Variants in PLEKHA1 observed in about 807,000 individuals in gnomAD.
PLEKHA1 encodes the protein pleckstrin homology domain-containing family A member 1.
A neutral mutation model predicts 52.0 loss-of-function variants in PLEKHA1; 34 were observed. That is an observed-to-expected ratio of 0.65 (90% CI 0.50 to 0.87). The LOEUF (loss-of-function observed/expected upper bound fraction) is 0.87. Ranked by LOEUF, PLEKHA1 falls within the 40% of genes least tolerant of loss-of-function variation. PLEKHA1 has a pLI of 0.00. For missense variants in PLEKHA1, 497 were observed against 504.2 expected, an observed-to-expected ratio of 0.99 and a Z score of 0.14; for synonymous variants, 163 against 170.7, an observed-to-expected ratio of 0.95 and a Z score of 0.35.
At chr10:122,423,160 A>G (rs1005217828) in intron 8 of PLEKHA1, 8 of 147,826 alleles carry the variant, frequency 5.4e-5, no homozygotes, top group African/African-American at 2.0e-4. Context: ...GTGGTGGCTC[A>G]CGCCTGTAAT....
At chr10:122,398,414 CCT>C (rs149470062) in intron 3 of PLEKHA1, among the ~76,000 whole-genome samples, 166 of 151,814 alleles carry the variant, frequency 1.1e-3, no homozygotes, top group African/African-American at 3.9e-3. Context: ...TGATTTTCCC[CCT>C]CTTTTCACTT....
At chr10:122,439,266 T>G in the PLEKHA1 span, 6 of 152,246 alleles carry the variant, frequency 3.9e-5, no homozygotes, top group Non-Finnish European at 8.8e-5. Context: ...TGCTAGATTT[T>G]GTTTGCTATT....
intron 2 of PLEKHA1, among the ~76,000 whole-genome samples, chr10:122,395,099 A>G (rs141610427): frequency 5.5e-4 from 84 of 152,330 alleles, no homozygotes; most frequent in African/African-American, 2.0e-3. Context: ...AAAGTTGAGT[A>G]TTCCAGTGCT....
At position 122,412,943 on chromosome 10, in the gene PLEKHA1, G is replaced by T. The variant is rs2097127393; in HGVS notation, c.366G>T (p.Gln122His). Reference sequence around the variant, plus strand: ...AGGTACCAAAGCAGTCAGACTCACAGCCTAATTCTGATAACCTAAGTCGCC... The same window carrying T: ...AGGTACCAAAGCAGTCAGACTCACATCCTAATTCTGATAACCTAAGTCGCC... ...KITVPKQSDS[Q>H]PNSDNLSRHG... Residue 122 changes from glutamine to histidine, a missense_variant, in exon 6 of 12, where the codon CAG (glutamine) becomes CAT (histidine). Physicochemically the swap from Gln to His is conservative, Grantham distance 24 (BLOSUM62 0). Transcript: ENST00000368990. The T allele has an allele frequency of 1.9e-6, 3 of 1,613,384 alleles. No individual in the cohort carries two copies. The East Asian group carries it at 6.7e-5, about 36-fold the overall frequency.
At chr10:122,383,789 G>GTTTGTT (rs957671713) in intron 1 of PLEKHA1, among the ~76,000 whole-genome samples, 2 of 151,810 alleles carry the variant, frequency 1.3e-5, no homozygotes, top group African/African-American at 2.4e-5. Flanking sequence ...GTGTTTTTTT[G>GTTTGTT]TTTGTTTTTG....
At chr10:122,417,784 A>T in intron 7 of PLEKHA1, 116 bp from the exon 8 acceptor site, 1 of 676,264 alleles carries the variant, frequency 1.5e-6, no homozygotes, top group Non-Finnish European at 2.5e-6. Context: ...GGAAGTAATG[A>T]GATTTTTCAC....
At chr10:122,406,769 G>T in intron 5 of PLEKHA1, 96 bp downstream of exon 5, 1 of 885,916 alleles carries the variant, frequency 1.1e-6, no homozygotes, top group Non-Finnish European at 1.8e-6. Context: ...CTTACCAACA[G>T]GTTTCATACT....
intron 5 of PLEKHA1, among the ~76,000 whole-genome samples, chr10:122,407,040 C>G (rs2097027616): frequency 6.6e-6 from 1 of 152,158 alleles, no homozygotes; most frequent in Non-Finnish European, 1.5e-5. Context: ...GGAATAGGCA[C>G]TTCTCTCTTC....
In PLEKHA1 at chr10:122,427,013, C is replaced by T. The variant is rs577177537; in HGVS notation, c.882C>T (p.Pro294=). 35 of 1,613,774 alleles carry T rather than the reference C, an allele frequency of 2.2e-5. 1 individual carries two copies. The highest frequency in any genetic ancestry group is 4.4e-5 in the South Asian group (4 of 91,058). The change falls in exon 11 of 12, where the codon CCC becomes CCT. Residue 294 remains proline (P), a synonymous_variant. Coordinates refer to ENST00000368990, the MANE Select transcript of PLEKHA1 (RefSeq NM_001001974.4). The part of the protein sequence containing the change: ...VSGAIVAQRG[P]GRSASSEHPP... ...GCGCCATTGTAGCACAGCGGGGTCC[C>T]GGCAGATCTGCGTCTTCTGTAGGTT...
intron 6 of PLEKHA1, among the ~76,000 whole-genome samples, chr10:122,413,421 C>T (rs1325978321): frequency 1.3e-5 from 2 of 152,034 alleles, no homozygotes; most frequent in African/African-American, 4.8e-5. Flanking sequence ...ATTACAAATC[C>T]TCTATTGGAC....
At chr10:122,382,571 A>C (rs561199697) in intron 1 of PLEKHA1, among the ~76,000 whole-genome samples, 3 of 152,176 alleles carry the variant, frequency 2.0e-5, no homozygotes, top group Non-Finnish European at 4.4e-5. Context: ...CATTTCATCT[A>C]GTGGTTTTAG....
At chr10:122,435,501 T>A (rs2097434610), downstream of PLEKHA1, 2 of 152,204 alleles carry the variant, frequency 1.3e-5, no homozygotes, top group Admixed American at 1.3e-4. Flanking sequence ...CGTAGAAAAT[T>A]AGATAAGATA....
rs987007633 is a variant in PLEKHA1, at chr10:122,431,894, A to G, written c.*1956A>G. On this transcript the variant is annotated 3_prime_UTR_variant, in exon 12 of 12. Transcript: ENST00000368990. ...GAGAAATCTTAAATAGACACTTTGC[A>G]ATATTTAAGAACCTAATGCTGTTTA... The G allele has an allele frequency of 2.6e-5, 4 of 152,118 alleles. No individual in the cohort carries two copies. The highest frequency in any genetic ancestry group is 1.3e-4 in the Admixed American group (2 of 15,272). 9.4% of individuals were successfully genotyped at this position (152,118 alleles called of 1,614,324 possible).
chr10:122,408,724 T>C (rs2097060060), intron 5 of PLEKHA1, among the ~76,000 whole-genome samples: 1 of 152,202 alleles, frequency 6.6e-6, no homozygotes, highest in African/African-American at 2.4e-5. Context: ...CTTAAAAATA[T>C]CTTACCAGTT....
chr10:122,423,921 A>G, intron 8 of PLEKHA1: 1 of 382,736 alleles, frequency 2.6e-6, no homozygotes, highest in South Asian at 5.4e-5. Context: ...TCTGATGGCT[A>G]ATAGCTTTTA....
chr10:122,401,240 C>T (rs554605444), intron 4 of PLEKHA1, among the ~76,000 whole-genome samples: 7 of 152,080 alleles, frequency 4.6e-5, no homozygotes, highest in African/African-American at 1.4e-4. Context: ...TGTGTTTTGA[C>T]GAGCAATAGG....
the PLEKHA1 span, chr10:122,439,160 A>G: frequency 6.6e-6 from 1 of 152,020 alleles, no homozygotes; most frequent in Admixed American, 6.5e-5. Flanking sequence ...TCCCTCTTTA[A>G]TTTGGTGAAA....
At chr10:122,424,133 AC>A in intron 8 of PLEKHA1, 65 bp from the exon 9 acceptor site, 1 of 1,498,096 alleles carries the variant, frequency 6.7e-7, no homozygotes, top group Non-Finnish European at 8.9e-7. Context: ...AAGACAGCTA[AC>A]CTTTGAAAGG....
At chr10:122,441,688 A>G in the PLEKHA1 span, 7 of 152,200 alleles carry the variant, frequency 4.6e-5, no homozygotes, top group Admixed American at 2.6e-4. Context: ...CCAACTGAAC[A>G]TGAAACACAG....
Sources: allele counts gnomAD v4.1 joint callset (sites outside exome capture counted in the v4.1 genomes callset), GRCh38; gene constraint gnomAD v4.1.1; transcripts MANE v1.5; gene names NCBI Gene and HGNC (gene_info 2026-07-23, HGNC 2026-07-21).